The following FBXL17 variants were observed in gnomAD, a reference collection of about 807,000 sequenced individuals.
FBXL17 encodes the protein F-box and leucine rich repeat protein 17, also known as F-box/LRR-repeat protein 17.
A neutral mutation model predicts 66.2 loss-of-function variants in FBXL17; 22 were observed. The ratio of observed to expected loss-of-function variants is 0.33; its 90% CI spans 0.24 to 0.47. The LOEUF (loss-of-function observed/expected upper bound fraction) is 0.47. FBXL17 is among the 20% of genes least tolerant of loss of function. FBXL17 has a pLI of 1.00. For synonymous variants in FBXL17, 474 were observed against 400.5 expected (o/e 1.18, Z -2.19); for missense variants, 878 against 948.2 (o/e 0.93, Z 0.97).
intron 4 of FBXL17, among the ~76,000 whole-genome samples, chr5:108,257,426 G>A (rs539593417): frequency 3.3e-5 from 5 of 152,238 alleles, no homozygotes; most frequent in South Asian, 2.1e-4. Flanking sequence ...TACCAAGGCC[G>A]TAAATGACAA....
chr5:108,380,969 C>T lies in FBXL17; in HGVS notation c.723G>A (p.Arg241=). Residue 241 remains arginine (R), a synonymous_variant, in exon 1 of 9, where the codon CGG becomes CGA. Coordinates refer to ENST00000542267, the MANE Select transcript of FBXL17 (RefSeq NM_001163315.3). The part of the protein sequence containing the change: ...GPAGGGASPP[R]PPDAGCCQAP... Reference sequence around the variant, plus strand: ...CCTGGCAGCAGCCGGCGTCGGGGGGCCGGGGCGGCGAAGCGCCTCCCCCCG... The same window carrying T: ...CCTGGCAGCAGCCGGCGTCGGGGGGTCGGGGCGGCGAAGCGCCTCCCCCCG... 14 of 1,219,474 alleles carry T rather than the reference C, an allele frequency of 1.1e-5. No homozygotes were observed. Among genetic ancestry groups the T allele is most frequent in the Middle Eastern group, 3.2e-4 (1 of 3,166 alleles). The allele number at this position is 1,219,474 out of a possible 1,614,324, so 75.5% of individuals were successfully genotyped here.
intron 5 of FBXL17, among the ~76,000 whole-genome samples, chr5:108,222,506 C>G (rs1754909445): frequency 6.6e-6 from 1 of 152,098 alleles, no homozygotes; most frequent in Admixed American, 6.5e-5. Context: ...CTATCCTCTC[C>G]TCTAGCTTTA....
Position 108,381,622 on chromosome 5 carries a change from A to G in FBXL17, c.70T>C (p.Cys24Arg). 6.7e-7 allele frequency: 1 copy of G among 1,492,092 alleles called. No homozygotes were observed. The allele number at this position is 1,492,092 out of a possible 1,614,324, so 92.4% of individuals were successfully genotyped here. A position where few individuals can be genotyped will look rare whatever the true frequency, so the allele number is the denominator to read the frequency against. ...SQKRPRCCSW[C>R]RRRRPLLRLP... Reference sequence around the variant, plus strand: ...CTGAGGAGAGGGCGCCGGCGGCGGCACCAACTGCAACAGCGAGGCCTCTTC... The same window carrying G: ...CTGAGGAGAGGGCGCCGGCGGCGGCGCCAACTGCAACAGCGAGGCCTCTTC... Residue 24 changes from cysteine to arginine, a missense_variant, in exon 1 of 9, where the codon TGC (cysteine) becomes CGC (arginine). This residue lies in a region of FBXL17 where 605 missense variants were observed against 509.5 expected (regional missense o/e 1.19). Coordinates refer to ENST00000542267, the MANE Select transcript of FBXL17 (RefSeq NM_001163315.3).
At chr5:108,206,538 C>A (rs542070981) in intron 5 of FBXL17, among the ~76,000 whole-genome samples, 1 of 152,222 alleles carries the variant, frequency 6.6e-6, no homozygotes, top group South Asian at 2.1e-4. Flanking sequence ...CTTTTTGTTC[C>A]TCTCTCCTCC....
intron 1 of FBXL17, among the ~76,000 whole-genome samples, chr5:108,368,449 G>A: frequency 6.6e-6 from 1 of 151,770 alleles, no homozygotes; most frequent in Admixed American, 6.6e-5. Flanking sequence ...TTACCTTTAT[G>A]GTATCTTTTC....
intron 6 of FBXL17, among the ~76,000 whole-genome samples, chr5:108,112,426 C>T (rs554610119): frequency 3.3e-5 from 5 of 152,270 alleles, no homozygotes; most frequent in East Asian, 1.9e-4. Context: ...CTTGACTAAA[C>T]ACTGTTCAGG....
intron 4 of FBXL17, chr5:108,298,684 T>C (rs1758449601): frequency 1.3e-6 from 1 of 797,664 alleles, no homozygotes; most frequent in South Asian, 5.8e-5. Flanking sequence ...ATCTTCCTCA[T>C]ACAGAATATT....
chr5:108,289,803 C>T (rs756898490), intron 4 of FBXL17, among the ~76,000 whole-genome samples: 1 of 152,070 alleles, frequency 6.6e-6, no homozygotes, highest in Non-Finnish European at 1.5e-5. Context: ...CTAACAGCCA[C>T]GATAACATCC....
At chr5:108,297,850 T>C in intron 4 of FBXL17, 1 of 872,884 alleles carries the variant, frequency 1.1e-6, no homozygotes, top group Non-Finnish European at 1.4e-6. Context: ...TTCTATTCCT[T>C]TGGTAGAAAT....
chr5:108,240,647 G>A (rs1755815043), intron 4 of FBXL17, among the ~76,000 whole-genome samples: 1 of 152,154 alleles, frequency 6.6e-6, no homozygotes, highest in Non-Finnish European at 1.5e-5. Flanking sequence ...ACCCTGAAGG[G>A]AAGGATACAA....
At chr5:107,990,889 C>T (rs889116120) in intron 7 of FBXL17, among the ~76,000 whole-genome samples, 9 of 152,134 alleles carry the variant, frequency 5.9e-5, no homozygotes, top group Non-Finnish European at 1.0e-4. Context: ...CTCAGACTTC[C>T]GGAGGCGAAT....
At chr5:108,105,247 C>T (rs941032039) in intron 6 of FBXL17, among the ~76,000 whole-genome samples, 2 of 152,144 alleles carry the variant, frequency 1.3e-5, no homozygotes, top group African/African-American at 4.8e-5. Context: ...GGAGAAGGCG[C>T]AACTGAAGTG....
intron 5 of FBXL17, among the ~76,000 whole-genome samples, chr5:108,197,501 A>G (rs1186799380): frequency 2.6e-5 from 4 of 152,184 alleles, no homozygotes; most frequent in Admixed American, 6.6e-5. Flanking sequence ...AAAGTTTTGG[A>G]AATATATTCC....
chr5:108,107,377 T>C (rs1749842164), intron 6 of FBXL17, among the ~76,000 whole-genome samples: 1 of 152,220 alleles, frequency 6.6e-6, no homozygotes, highest in Non-Finnish European at 1.5e-5. Context: ...AAAAGTATAT[T>C]ATTTTGGTGT....
At chr5:108,002,079 G>A (rs147594796) in intron 7 of FBXL17, among the ~76,000 whole-genome samples, 1,852 of 151,538 alleles carry the variant, frequency 0.012, 39 homozygotes, top group African/African-American at 0.04. Context: ...GCAATGGTGC[G>A]ATCTCAGCTC....
intron 5 of FBXL17, among the ~76,000 whole-genome samples, chr5:108,190,677 G>A (rs1444025272): frequency 1.4e-5 from 2 of 140,394 alleles, no homozygotes; most frequent in Admixed American, 1.9e-4. Context: ...AAGTTCTCTT[G>A]TTTTTGATTG....
chr5:108,333,469 T>C (rs146121569), intron 4 of FBXL17, among the ~76,000 whole-genome samples: 3 of 152,242 alleles, frequency 2.0e-5, no homozygotes. Context: ...AAAAAAACTC[T>C]TACATCCAGA....
At chr5:108,199,433 CTG>C (rs1753802000) in intron 5 of FBXL17, among the ~76,000 whole-genome samples, 2 of 152,164 alleles carry the variant, frequency 1.3e-5, no homozygotes, top group Non-Finnish European at 2.9e-5. Context: ...CATTTCAACT[CTG>C]TTGTTGCTAG....
chr5:108,285,752 G>T (rs1757874174), intron 4 of FBXL17, among the ~76,000 whole-genome samples: 1 of 151,460 alleles, frequency 6.6e-6, no homozygotes, highest in Non-Finnish European at 1.5e-5. Flanking sequence ...CTATAAGTGG[G>T]CCTACAAACA....
Sources: allele counts gnomAD v4.1 joint callset (sites outside exome capture counted in the v4.1 genomes callset), GRCh38; gene constraint gnomAD v4.1.1; regional missense constraint gnomAD v4.1.1; transcripts MANE v1.5; gene names NCBI Gene and HGNC (gene_info 2026-07-23, HGNC 2026-07-21).